USP13: variants seen among roughly 807,000 people sequenced by gnomAD.
USP13 encodes ubiquitin specific peptidase 13.
A neutral mutation model predicts 107.8 loss-of-function variants in USP13; 68 were observed. The observed-to-expected ratio is 0.63, with a 90% CI of 0.52 to 0.77. The LOEUF (loss-of-function observed/expected upper bound fraction) is 0.77, where lower values mean the gene tolerates loss of function less well. Ranked by LOEUF, USP13 falls within the 30% of genes least tolerant of loss-of-function variation. The pLI, the probability that USP13 is intolerant of heterozygous loss-of-function variation, is 0.00. For synonymous variants in USP13, 377 were observed against 389.5 expected (o/e 0.97, Z 0.38); for missense variants, 945 against 1,093.3 (o/e 0.86, Z 1.91).
chr3:179,668,855 C>G (rs1363954917), intron 1 of USP13, among the ~76,000 whole-genome samples: 2 of 152,102 alleles, frequency 1.3e-5, no homozygotes, highest in African/African-American at 4.8e-5. Context: ...TGCTCATTTG[C>G]TTCTTATTTA....
intron 19 of USP13, among the ~76,000 whole-genome samples, chr3:179,774,506 G>T (rs1715446179): frequency 1.3e-5 from 2 of 149,916 alleles, no homozygotes; most frequent in South Asian, 4.2e-4. Flanking sequence ...AGCTCTTAAG[G>T]CAGCACGTCT....
intron 2 of USP13, among the ~76,000 whole-genome samples, chr3:179,686,902 C>T (rs990498422): frequency 1.1e-4 from 17 of 152,162 alleles, no homozygotes; most frequent in East Asian, 3.9e-4. Flanking sequence ...TCTTGGCTTC[C>T]GCTTATCCTT....
chr3:179,719,511 TTC>T (rs1164233853), intron 6 of USP13, among the ~76,000 whole-genome samples: 2 of 152,090 alleles, frequency 1.3e-5, no homozygotes, highest in Non-Finnish European at 1.5e-5. Context: ...GGCCTGTGTG[TTC>T]TCTCTGTTCC....
At chr3:179,689,621 G>T (rs1256612084) in intron 2 of USP13, among the ~76,000 whole-genome samples, 1 of 151,152 alleles carries the variant, frequency 6.6e-6, no homozygotes, top group African/African-American at 2.4e-5. Flanking sequence ...CTGCGCCACT[G>T]CACTCCAGCC....
intron 10 of USP13, among the ~76,000 whole-genome samples, chr3:179,738,169 C>T (rs146912761): frequency 0.015 from 2,358 of 152,282 alleles, 39 homozygotes; most frequent in South Asian, 0.043. Context: ...AGACCAGAAG[C>T]AGGCTGAAAG....
At chr3:179,690,467 T>G (rs1434004667) in intron 3 of USP13, among the ~76,000 whole-genome samples, 166 bp downstream of exon 3, 2 of 152,236 alleles carry the variant, frequency 1.3e-5, no homozygotes, top group Non-Finnish European at 2.9e-5. Flanking sequence ...TACCTACCAG[T>G]GAAGTGTGCT....
intron 19 of USP13, 107 bp from the exon 20 acceptor site, chr3:179,781,632 A>C: frequency 1.1e-6 from 1 of 921,660 alleles, no homozygotes; most frequent in Non-Finnish European, 1.7e-6. Flanking sequence ...TGTCTTTCAA[A>C]TCTAAACAGT....
intron 1 of USP13, among the ~76,000 whole-genome samples, chr3:179,673,938 G>A (rs577931189): frequency 6.6e-6 from 1 of 152,298 alleles, no homozygotes; most frequent in East Asian, 1.9e-4. Context: ...TGTTGCCCAG[G>A]CTGGAGTGCA....
Position 179,653,167 on chromosome 3 carries a change from G to C in USP13, c.-59G>C, listed in dbSNP as rs1720134598. On this transcript the variant is annotated 5_prime_UTR_variant, in exon 1 of 21. Coordinates refer to ENST00000263966, the MANE Select transcript of USP13 (RefSeq NM_003940.3). This position sits in a 1 kb window ranked among gnomAD's most constrained non-coding sequence, Gnocchi z 4.0. The stretch of plus-strand genomic sequence containing the variant: ...CCCGCTCGCTGGCGCCGCCGCCGCC[G>C]GCAGACCCCGCGCTCCGGCTCCGGC... 1 of 1,128,436 alleles carries C rather than the reference G, an allele frequency of 8.9e-7. No homozygotes were observed. Among genetic ancestry groups the C allele is most frequent in the Non-Finnish European group, 1.1e-6 (1 of 920,500 alleles). 69.9% of individuals were successfully genotyped at this position (1,128,436 alleles called of 1,614,324 possible).
chr3:179,672,129 C>G (rs771073636), intron 1 of USP13, among the ~76,000 whole-genome samples: 15 of 152,170 alleles, frequency 9.9e-5, no homozygotes, highest in Non-Finnish European at 2.1e-4. Flanking sequence ...TTTAAAATGA[C>G]TATTCACTTG....
intron 1 of USP13, among the ~76,000 whole-genome samples, chr3:179,656,221 C>CAAGT (rs1720256659): frequency 1.3e-5 from 2 of 152,216 alleles, no homozygotes; most frequent in Non-Finnish European, 2.9e-5. Flanking sequence ...TAAAAAGATA[C>CAAGT]ATTTGGCAAG....
intron 19 of USP13, among the ~76,000 whole-genome samples, chr3:179,774,161 G>A (rs1470328712): frequency 1.3e-5 from 2 of 152,142 alleles, no homozygotes; most frequent in Non-Finnish European, 1.5e-5. Context: ...CGAGAGAGAA[G>A]AGGTGTCATG....
At chr3:179,724,350 C>T (rs11720333) in intron 8 of USP13, among the ~76,000 whole-genome samples, 58,674 of 150,856 alleles carry the variant, frequency 0.39, 13,859 homozygotes, top group Non-Finnish European at 0.51. Flanking sequence ...CCCAGCTACT[C>T]AGGAGGCTGA....
At position 179,653,420 on chromosome 3, in the gene USP13, C is replaced by G. The variant is rs936040785; in HGVS notation, c.168+27C>G. 9 of 1,542,640 alleles carry G rather than the reference C, an allele frequency of 5.8e-6. No individual in the cohort carries two copies. The highest frequency in any genetic ancestry group is 7.9e-6 in the Non-Finnish European group (9 of 1,141,230). Reference sequence around the variant, plus strand: ...TAAGTGAGGCGCCTCGGGGGAGGGTCGCGGGGCCGGCGGCCTGCGGCACGT... The same window carrying G: ...TAAGTGAGGCGCCTCGGGGGAGGGTGGCGGGGCCGGCGGCCTGCGGCACGT... On this transcript the variant is annotated intron_variant, in intron 1 of 20. Transcript: ENST00000263966. This position sits in a 1 kb window ranked among gnomAD's most constrained non-coding sequence, Gnocchi z 4.0.
At chr3:179,765,524 A>G (rs574405362) in intron 18 of USP13, among the ~76,000 whole-genome samples, 171 bp from the exon 19 acceptor site, 2 of 152,360 alleles carry the variant, frequency 1.3e-5, no homozygotes, top group Non-Finnish European at 2.9e-5. Context: ...ATGCCATGCC[A>G]ACTGAACGTG....
At chr3:179,670,344 T>G (rs1720714183) in intron 1 of USP13, among the ~76,000 whole-genome samples, 1 of 152,204 alleles carries the variant, frequency 6.6e-6, no homozygotes, top group Admixed American at 6.5e-5. Flanking sequence ...GGGTCTCTGA[T>G]GTCTTGCATT....
chr3:179,734,081 G>T (rs1003051034), intron 10 of USP13, among the ~76,000 whole-genome samples: 4 of 152,156 alleles, frequency 2.6e-5, no homozygotes, highest in Non-Finnish European at 4.4e-5. Context: ...TTTCTCACTG[G>T]CGTCTTCCAA....
At chr3:179,773,665 C>T (rs13061657) in intron 19 of USP13, among the ~76,000 whole-genome samples, 22,746 of 152,102 alleles carry the variant, frequency 0.15, 2,325 homozygotes, top group African/African-American at 0.29. Context: ...TCAGATGTTA[C>T]TACTGGTTTA....
chr3:179,682,254 A>AAAAC (rs921846781), intron 2 of USP13, among the ~76,000 whole-genome samples: 4 of 150,956 alleles, frequency 2.6e-5, no homozygotes, highest in East Asian at 3.9e-4. Context: ...TTGGAAAAAA[A>AAAAC]AAACCGAAAC....
Sources: allele counts gnomAD v4.1 joint callset (sites outside exome capture counted in the v4.1 genomes callset), GRCh38; gene constraint gnomAD v4.1.1; non-coding constraint Gnocchi (gnomAD v3.1); transcripts MANE v1.5; gene names NCBI Gene and HGNC (gene_info 2026-07-23, HGNC 2026-07-21).